RAP1GDS1: variants seen among roughly 807,000 people sequenced by gnomAD.
RAP1GDS1 encodes Rap1 GTPase-GDP dissociation stimulator 1, also known as RAP1, GTP-GDP dissociation stimulator 1.
RAP1GDS1 carries 35 observed loss-of-function variants against 71.1 expected under a neutral mutation model. The observed-to-expected ratio is 0.49, with a 90% CI of 0.38 to 0.65. RAP1GDS1 has a LOEUF of 0.65. Among genes scored for constraint, RAP1GDS1 ranks in the 30% least tolerant of loss-of-function variants. RAP1GDS1 has a pLI of 0.00. For synonymous variants in RAP1GDS1, 229 were observed against 243.1 expected (o/e 0.94, Z 0.54); for missense variants, 663 against 706.1 (o/e 0.94, Z 0.69).
intron 2 of RAP1GDS1, among the ~76,000 whole-genome samples, chr4:98,339,621 G>GTGCCTTTTT (rs1735194584): frequency 6.6e-6 from 1 of 151,522 alleles, no homozygotes; most frequent in African/African-American, 2.4e-5. Context: ...ATCAACCCCT[G>GTGCCTTTTT]ACTACTCCTT....
At chr4:98,276,192 T>G (rs1160918590) in intron 1 of RAP1GDS1, among the ~76,000 whole-genome samples, 2 of 152,078 alleles carry the variant, frequency 1.3e-5, no homozygotes, top group Non-Finnish European at 2.9e-5. Context: ...CTCTGGAGGT[T>G]GAGTTTATAA....
chr4:98,311,818 T>C (rs1275593814), intron 2 of RAP1GDS1, among the ~76,000 whole-genome samples: 1 of 152,196 alleles, frequency 6.6e-6, no homozygotes, highest in South Asian at 2.1e-4. Flanking sequence ...TTTTTACTTT[T>C]TGTATACATG....
At chr4:98,295,816 C>G (rs1727652381) in intron 2 of RAP1GDS1, among the ~76,000 whole-genome samples, 1 of 151,928 alleles carries the variant, frequency 6.6e-6, no homozygotes, top group Non-Finnish European at 1.5e-5. Context: ...TTTTCTTGAA[C>G]TATAAAGTGA....
At chr4:98,406,641 T>G (rs571515431) in intron 7 of RAP1GDS1, among the ~76,000 whole-genome samples, 1 of 152,194 alleles carries the variant, frequency 6.6e-6, no homozygotes, top group Non-Finnish European at 1.5e-5. Context: ...ATAGAAAATT[T>G]GAAAATGATT....
At chr4:98,415,006 G>T (rs113212395) in intron 7 of RAP1GDS1, among the ~76,000 whole-genome samples, 4 of 151,196 alleles carry the variant, frequency 2.6e-5, no homozygotes, top group Admixed American at 6.6e-5. Flanking sequence ...CTCATGATTT[G>T]GCTCTCTGTT....
Position 98,417,381 on chromosome 4 carries a change from A to C in RAP1GDS1, c.922A>C (p.Lys308Gln), listed in dbSNP as rs779779436. Residue 308 changes from lysine to glutamine, a missense_variant, in exon 9 of 15, where the codon AAG (lysine) becomes CAG (glutamine). Physicochemically the swap from Lys to Gln is moderately conservative, Grantham distance 53. Coordinates refer to ENST00000408927, the MANE Select transcript of RAP1GDS1 (RefSeq NM_001100427.2). ...LLLLGDESMQ[K>Q]LFEGGKGSVF... ...TTTACCTCCAGATGAATCCATGCAG[A>C]AGTTATTTGAAGGAGGAAAAGGTAG... 1.2e-6 allele frequency: 2 copies of C among 1,612,546 alleles called. No individual in the cohort carries two copies. The highest frequency in any genetic ancestry group is 4.5e-5 in the East Asian group (2 of 44,824).
intron 2 of RAP1GDS1, among the ~76,000 whole-genome samples, chr4:98,329,987 C>T (rs1264860133): frequency 4.0e-5 from 6 of 151,706 alleles, no homozygotes; most frequent in Non-Finnish European, 7.4e-5. Flanking sequence ...GGGGATTTGG[C>T]AGGGTCATAG....
intron 2 of RAP1GDS1, among the ~76,000 whole-genome samples, chr4:98,294,018 C>T (rs1349385432): frequency 6.6e-6 from 1 of 152,004 alleles, no homozygotes; most frequent in Non-Finnish European, 1.5e-5. Flanking sequence ...TAGAAGTCAT[C>T]AAAAATCTTT....
chr4:98,272,244 A>G (rs1030882197), intron 1 of RAP1GDS1, among the ~76,000 whole-genome samples: 2 of 152,228 alleles, frequency 1.3e-5, no homozygotes, highest in Non-Finnish European at 2.9e-5. Context: ...ACACATCTTT[A>G]TTAATCAAAA....
intron 1 of RAP1GDS1, among the ~76,000 whole-genome samples, chr4:98,276,886 G>A (rs1724286886): frequency 2.6e-5 from 4 of 152,080 alleles, no homozygotes; most frequent in South Asian, 4.1e-4. Context: ...TTTTGGAAAT[G>A]GAAAAATATT....
intron 2 of RAP1GDS1, among the ~76,000 whole-genome samples, chr4:98,320,538 A>C (rs897684141): frequency 1.3e-5 from 2 of 152,158 alleles, no homozygotes; most frequent in Non-Finnish European, 2.9e-5. Context: ...AGCTTTGAAG[A>C]GAGCAGTGGT....
Position 98,392,017 on chromosome 4 carries a change from C to T in RAP1GDS1, c.574C>T (p.His192Tyr). The T allele has an allele frequency of 6.2e-7, 1 of 1,611,872 alleles. No individual in the cohort carries two copies. The highest frequency in any genetic ancestry group is 8.5e-7 in the Non-Finnish European group (1 of 1,178,474). ...TACCTTAGTGAAATTACTGGGCATC[C>T]ACTGCCAAAATGCAGCTCTTACAGA... ...IPTLVKLLGIHCQNAALTEMC... is the reference protein window; with the variant it reads ...IPTLVKLLGIYCQNAALTEMC... Residue 192 changes from histidine (H) to tyrosine (Y), a missense_variant, in exon 6 of 15, where the codon CAC becomes TAC. Physicochemically the swap from His to Tyr is moderately conservative, Grantham distance 83 (BLOSUM62 2). Transcript: ENST00000408927.
intron 1 of RAP1GDS1, among the ~76,000 whole-genome samples, chr4:98,287,476 A>G (rs1162859759): frequency 1.3e-5 from 2 of 152,140 alleles, no homozygotes; most frequent in Non-Finnish European, 2.9e-5. Flanking sequence ...TAGTGGATAG[A>G]TGTGTGTGTA....
At chr4:98,398,028 T>TTTA (rs199600288) in intron 6 of RAP1GDS1, among the ~76,000 whole-genome samples, 2 of 152,156 alleles carry the variant, frequency 1.3e-5, no homozygotes, top group East Asian at 1.9e-4. Context: ...TCCTAATCAG[T>TTTA]TTATTATTAT....
chr4:98,424,579 G>A lies in RAP1GDS1; in HGVS notation c.1440+3185G>A, dbSNP rs143276229. Among the ~76,000 whole-genome samples, 395 of 152,220 alleles carry A rather than the reference G, an allele frequency of 2.6e-3. 3 individuals are homozygous for A. Among genetic ancestry groups the A allele is most frequent in the African/African-American group, 9.1e-3 (379 of 41,540 alleles). ...AGTTCCAGACCAGCCTGGCCAACAT[G>A]GTGAAACCCCATCTCTACTAAAAAT... On this transcript the variant is annotated intron_variant, in intron 12 of 14. Coordinates refer to ENST00000408927, the MANE Select transcript of RAP1GDS1 (RefSeq NM_001100427.2).
At chr4:98,333,865 C>G (rs1000611994) in intron 2 of RAP1GDS1, among the ~76,000 whole-genome samples, 1 of 152,058 alleles carries the variant, frequency 6.6e-6, no homozygotes, top group African/African-American at 2.4e-5. Context: ...TTAAACTAAA[C>G]AGTGTTACAT....
intron 2 of RAP1GDS1, among the ~76,000 whole-genome samples, chr4:98,336,883 T>TTTGG (rs1734782461): frequency 6.6e-6 from 1 of 151,634 alleles, no homozygotes; most frequent in African/African-American, 2.4e-5. Flanking sequence ...GTTTTTTTTG[T>TTTGG]TTTGTTTTGT....
At chr4:98,369,077 T>A (rs1327678038) in intron 4 of RAP1GDS1, among the ~76,000 whole-genome samples, 1 of 152,182 alleles carries the variant, frequency 6.6e-6, no homozygotes, top group Non-Finnish European at 1.5e-5. Context: ...GCAAGAGAGC[T>A]TGTGCAGGGG....
At chr4:98,391,432 G>A (rs937351489) in intron 5 of RAP1GDS1, among the ~76,000 whole-genome samples, 6 of 151,962 alleles carry the variant, frequency 3.9e-5, no homozygotes, top group African/African-American at 1.4e-4. Flanking sequence ...CACTCTGGTT[G>A]CAAATATTCA....
Sources: gnomAD v4.1 joint callset for allele counts (sites outside exome capture counted in the v4.1 genomes callset) on GRCh38, gnomAD v4.1.1 for gene constraint, MANE v1.5 for transcripts, NCBI Gene and HGNC (gene_info 2026-07-23, HGNC 2026-07-21) for gene names.